The following GPHN variants were observed in gnomAD, a reference collection of about 807,000 sequenced individuals.
GPHN encodes the protein gephyrin.
Under a neutral mutation model 95.5 loss-of-function variants are expected in GPHN, and 17 were observed. The ratio of observed to expected loss-of-function variants is 0.18; its 90% CI spans 0.12 to 0.27. GPHN has a LOEUF of 0.27. Among genes scored for constraint, GPHN ranks in the 10% least tolerant of loss-of-function variants. The pLI, the probability that GPHN is intolerant of heterozygous loss-of-function variation, is 1.00. For synonymous variants in GPHN, 320 were observed against 322.5 expected (o/e 0.99, Z 0.08); for missense variants, 660 against 978.1 (o/e 0.67, Z 4.34).
intron 1 of GPHN, among the ~76,000 whole-genome samples, chr14:66,545,014 C>G (rs1019060664): frequency 6.6e-6 from 1 of 152,216 alleles, no homozygotes; most frequent in Non-Finnish European, 1.5e-5. Context: ...GGCAACCATC[C>G]GATTTCTCAC....
the GPHN span, among the ~76,000 whole-genome samples, chr14:67,248,835 T>A: frequency 4.0e-5 from 6 of 150,676 alleles, no homozygotes; most frequent in African/African-American, 1.5e-4. Flanking sequence ...ATTTTATTTT[T>A]TTGAGATAGA....
intron 10 of GPHN, among the ~76,000 whole-genome samples, chr14:67,027,528 AC>A (rs1471916013): frequency 1.3e-5 from 2 of 152,130 alleles, no homozygotes; most frequent in African/African-American, 4.8e-5. Context: ...ACAGGGTTTC[AC>A]TATGTTGCCC....
the GPHN span, among the ~76,000 whole-genome samples, chr14:67,681,188 G>A: frequency 6.6e-6 from 1 of 152,224 alleles, no homozygotes; most frequent in Admixed American, 6.5e-5. Flanking sequence ...TAGAGGAAAG[G>A]CCATGCGAGG....
chr14:67,231,180 T>C, the GPHN span, among the ~76,000 whole-genome samples: 5 of 152,232 alleles, frequency 3.3e-5, no homozygotes, highest in Non-Finnish European at 7.3e-5. Context: ...GGTTACATGC[T>C]ATATAATTCC....
intron 5 of GPHN, among the ~76,000 whole-genome samples, chr14:66,881,803 A>AT (rs1471624924): frequency 6.6e-6 from 1 of 151,874 alleles, no homozygotes; most frequent in Non-Finnish European, 1.5e-5. Flanking sequence ...GCTGATTCTA[A>AT]TTACTTTGGA....
intron 4 of GPHN, among the ~76,000 whole-genome samples, chr14:66,866,117 G>A (rs1198534712): frequency 6.6e-6 from 1 of 152,056 alleles, no homozygotes; most frequent in Non-Finnish European, 1.5e-5. Flanking sequence ...TCACTTTTCA[G>A]TTGCCTGTTG....
At chr14:67,448,306 T>G in the GPHN span, among the ~76,000 whole-genome samples, 8 of 151,288 alleles carry the variant, frequency 5.3e-5, no homozygotes, top group Admixed American at 5.3e-4. Flanking sequence ...GCCTGGCTAA[T>G]TTTTTTTGTA....
At chr14:67,456,635 T>A in the GPHN span, among the ~76,000 whole-genome samples, 1 of 150,922 alleles carries the variant, frequency 6.6e-6, no homozygotes, top group East Asian at 1.9e-4. Flanking sequence ...AAATAACACA[T>A]GCTGCAAGGC....
At chr14:67,492,007 C>A in the GPHN span, among the ~76,000 whole-genome samples, 2 of 152,182 alleles carry the variant, frequency 1.3e-5, no homozygotes, top group South Asian at 4.1e-4. Context: ...AGCTGCATTG[C>A]CCCACCTGCC....
At chr14:67,245,299 A>G in the GPHN span, among the ~76,000 whole-genome samples, 4 of 152,264 alleles carry the variant, frequency 2.6e-5, no homozygotes, top group South Asian at 8.3e-4. Context: ...GTTGCTTTAC[A>G]TTCCTGTCAG....
chr14:67,383,519 C>T, the GPHN span: 2 of 1,573,054 alleles, frequency 1.3e-6, 1 homozygote, highest in Non-Finnish European at 1.7e-6. Flanking sequence ...GAAAGTTTTC[C>T]AGTATTGAAA....
At chr14:67,482,622 C>T in the GPHN span, among the ~76,000 whole-genome samples, 1 of 152,220 alleles carries the variant, frequency 6.6e-6, no homozygotes, top group East Asian at 1.9e-4. Context: ...TTCAGGAGCC[C>T]TTGGGCGGCT....
intron 2 of GPHN, among the ~76,000 whole-genome samples, chr14:66,688,649 A>G (rs2153404431): frequency 1.3e-5 from 2 of 152,280 alleles, no homozygotes; most frequent in East Asian, 1.9e-4. Flanking sequence ...ATGAACGGGA[A>G]CAAATTTGGA....
the GPHN span, among the ~76,000 whole-genome samples, chr14:67,636,659 G>C: frequency 2.0e-5 from 3 of 152,218 alleles, no homozygotes; most frequent in Non-Finnish European, 4.4e-5. Flanking sequence ...CTCTGATAGA[G>C]CCTGGAGAGG....
the GPHN span, among the ~76,000 whole-genome samples, chr14:67,260,132 T>A: frequency 2.6e-5 from 4 of 152,216 alleles, no homozygotes. Flanking sequence ...TACTCTGTTC[T>A]TAGAATAAAT....
chr14:67,001,555 T>A (rs1397661715), intron 9 of GPHN, among the ~76,000 whole-genome samples: 2 of 151,654 alleles, frequency 1.3e-5, no homozygotes, highest in African/African-American at 4.8e-5. Context: ...AATCTTCTAG[T>A]TATCTTTTAC....
chr14:67,412,884 C>G, the GPHN span, among the ~76,000 whole-genome samples: 1 of 151,998 alleles, frequency 6.6e-6, no homozygotes, highest in East Asian at 1.9e-4. Context: ...GCCTCAGCTC[C>G]CCAAGTAGCT....
chr14:66,548,396 G>T (rs2059686342), intron 1 of GPHN, among the ~76,000 whole-genome samples: 1 of 151,920 alleles, frequency 6.6e-6, no homozygotes, highest in South Asian at 2.1e-4. Flanking sequence ...GGCCAGGCTG[G>T]TTTCGAACTC....
the GPHN span, among the ~76,000 whole-genome samples, chr14:67,504,743 G>A: frequency 2.0e-5 from 3 of 152,040 alleles, no homozygotes; most frequent in African/African-American, 7.3e-5. Flanking sequence ...AAATTATCTG[G>A]GCGTGGTGGC....
Sources: gnomAD v4.1 joint callset for allele counts (sites outside exome capture counted in the v4.1 genomes callset) on GRCh38, gnomAD v4.1.1 for gene constraint, MANE v1.5 for transcripts, NCBI Gene and HGNC (gene_info 2026-07-23, HGNC 2026-07-21) for gene names.